The following ESR1 variants were observed in gnomAD, a reference collection of about 807,000 sequenced individuals.
ESR1 encodes estrogen receptor 1.
Under a neutral mutation model 52.7 loss-of-function variants are expected in ESR1, and 12 were observed. That is an observed-to-expected ratio of 0.23 (90% CI 0.15 to 0.37). The LOEUF (loss-of-function observed/expected upper bound fraction) is 0.37. Among genes scored for constraint, ESR1 ranks in the 10% least tolerant of loss-of-function variants. The pLI is 1.00. For synonymous variants in ESR1, 305 were observed against 316.8 expected, an observed-to-expected ratio of 0.96 and a Z score of 0.39; for missense variants, 584 against 779.7, an observed-to-expected ratio of 0.75 and a Z score of 2.99.
chr6:151,797,100 G>A (rs1776782701), intron 2 of ESR1, among the ~76,000 whole-genome samples: 1 of 152,250 alleles, frequency 6.6e-6, no homozygotes, highest in African/African-American at 2.4e-5. Flanking sequence ...TGAAGAGCAT[G>A]TCACTGGGGT....
upstream of ESR1, among the ~76,000 whole-genome samples, chr6:151,689,313 C>T (rs1303291401): frequency 1.3e-5 from 2 of 152,148 alleles, no homozygotes; most frequent in African/African-American, 2.4e-5. Flanking sequence ...TCATAATAAA[C>T]ACAATAAAAA....
chr6:151,717,163 T>A (rs1346217255), intron 2 of ESR1, among the ~76,000 whole-genome samples: 1 of 152,166 alleles, frequency 6.6e-6, no homozygotes, highest in Non-Finnish European at 1.5e-5. Context: ...CACCCTGCTT[T>A]GGCTCACCCT....
intron 5 of ESR1, among the ~76,000 whole-genome samples, chr6:152,013,289 G>T (rs569203115): frequency 1.3e-5 from 2 of 151,160 alleles, no homozygotes; most frequent in South Asian, 2.1e-4. Flanking sequence ...TAGCAGTGTG[G>T]TTTTGTAACC....
chr6:152,093,312 C>T (rs1055032147), intron 6 of ESR1, among the ~76,000 whole-genome samples: 4 of 150,060 alleles, frequency 2.7e-5, no homozygotes, highest in African/African-American at 9.8e-5. Flanking sequence ...GACCTTGTGA[C>T]TACTACCTAC....
upstream of ESR1, among the ~76,000 whole-genome samples, chr6:151,806,530 G>GTACATA (rs1554259018): frequency 1.0e-5 from 1 of 96,468 alleles, no homozygotes; most frequent in Non-Finnish European, 2.2e-5. Context: ...TCCTTAATAT[G>GTACATA]TATATATATA....
intron 1 of ESR1, among the ~76,000 whole-genome samples, chr6:151,672,999 T>G (rs1263293885): frequency 6.6e-6 from 1 of 151,814 alleles, no homozygotes; most frequent in Non-Finnish European, 1.5e-5. Context: ...CAGCTATTTT[T>G]TTTTGTATTT....
chr6:151,863,408 T>A (rs1208151761), intron 2 of ESR1, among the ~76,000 whole-genome samples: 1 of 152,208 alleles, frequency 6.6e-6, no homozygotes, highest in Non-Finnish European at 1.5e-5. Context: ...TTGAAGCAAT[T>A]GTGAATGGGA....
chr6:151,715,790 G>A (rs1780986207), intron 2 of ESR1, among the ~76,000 whole-genome samples: 1 of 152,096 alleles, frequency 6.6e-6, no homozygotes, highest in Admixed American at 6.5e-5. Context: ...TGCTTCTTCA[G>A]CTCAGAGGAG....
chr6:152,059,037 G>C (rs2047334096), intron 5 of ESR1, among the ~76,000 whole-genome samples: 1 of 152,222 alleles, frequency 6.6e-6, no homozygotes, highest in East Asian at 1.9e-4. Context: ...GAAAACTAAT[G>C]AGCTAGTTGA....
intron 5 of ESR1, among the ~76,000 whole-genome samples, chr6:152,060,298 C>T (rs930234939): frequency 6.6e-6 from 1 of 152,172 alleles, no homozygotes; most frequent in Non-Finnish European, 1.5e-5. Flanking sequence ...ACAGATTAAT[C>T]TGCCATCTCC....
chr6:152,058,315 A>G (rs9397481), intron 5 of ESR1, among the ~76,000 whole-genome samples: 33,192 of 151,872 alleles, frequency 0.22, 5,231 homozygotes, highest in African/African-American at 0.44. Flanking sequence ...CCAGCCACAC[A>G]TTGGGCAGCA....
At chr6:151,781,227 T>G (rs1011921303) in intron 2 of ESR1, among the ~76,000 whole-genome samples, 2 of 152,222 alleles carry the variant, frequency 1.3e-5, no homozygotes, top group African/African-American at 4.8e-5. Context: ...GTAATTTATA[T>G]TGAACAGAAA....
rs1585062155 is a variant in ESR1 at position 152,061,990 on chromosome 6, C to T, written c.1369+866C>T. On this transcript the variant is annotated intron_variant, in intron 6 of 7. Coordinates refer to ENST00000206249, the MANE Select transcript of ESR1 (RefSeq NM_000125.4). The surrounding 1 kb of genome is among the most constrained non-coding windows in gnomAD (Gnocchi z 4.3). Reference sequence around the variant, plus strand: ...ACCTTTCCCCCTGGCTCTAACCCCACTTTGTGCCTCATCCCTCATTCTCAC... The same window carrying T: ...ACCTTTCCCCCTGGCTCTAACCCCATTTTGTGCCTCATCCCTCATTCTCAC... Among the ~76,000 whole-genome samples, 1 of 152,192 alleles carries T rather than the reference C, an allele frequency of 6.6e-6. No homozygotes were observed. The highest frequency in any genetic ancestry group is 1.9e-4 in the East Asian group (1 of 5,196).
At chr6:151,939,154 G>A (rs536407303) in intron 3 of ESR1, among the ~76,000 whole-genome samples, 184 of 152,294 alleles carry the variant, frequency 1.2e-3, no homozygotes, top group African/African-American at 4.1e-3. Context: ...TGTATCTTGT[G>A]TGTATGGCAT....
intron 2 of ESR1, among the ~76,000 whole-genome samples, chr6:151,765,137 TATTAC>T (rs550157726): frequency 5.0e-4 from 76 of 152,314 alleles, no homozygotes; most frequent in African/African-American, 1.8e-3. Flanking sequence ...TAATGAAAAA[TATTAC>T]ATTCTTTTGG....
intron 2 of ESR1, among the ~76,000 whole-genome samples, chr6:151,748,391 G>C (rs957927624): frequency 6.6e-6 from 1 of 152,104 alleles, no homozygotes; most frequent in Admixed American, 6.6e-5. Flanking sequence ...ATATACCTAA[G>C]AGCAATTGCT....
chr6:152,021,896 A>G (rs1485000245), intron 5 of ESR1, among the ~76,000 whole-genome samples: 1 of 152,138 alleles, frequency 6.6e-6, no homozygotes, highest in Non-Finnish European at 1.5e-5. Flanking sequence ...GCCATGCAAG[A>G]CATCCCTTTG....
At chr6:151,862,079 A>G (rs1168234379) in intron 2 of ESR1, among the ~76,000 whole-genome samples, 1 of 152,188 alleles carries the variant, frequency 6.6e-6, no homozygotes, top group Non-Finnish European at 1.5e-5. Flanking sequence ...ATGTGTAATG[A>G]ATACTTGCCC....
chr6:151,875,617 T>C (rs1562501238), intron 2 of ESR1, among the ~76,000 whole-genome samples: 1 of 152,060 alleles, frequency 6.6e-6, no homozygotes, highest in East Asian at 1.9e-4. Flanking sequence ...AAACTAAGCA[T>C]GGCTGGAAGG....
Sources: allele counts gnomAD v4.1 joint callset (sites outside exome capture counted in the v4.1 genomes callset), GRCh38; gene constraint gnomAD v4.1.1; non-coding constraint Gnocchi (gnomAD v3.1); transcripts MANE v1.5; gene names NCBI Gene and HGNC (gene_info 2026-07-23, HGNC 2026-07-21).